FBXL7: variants seen among roughly 807,000 people sequenced by gnomAD.
The protein encoded by FBXL7 is F-box/LRR-repeat protein 7.
FBXL7 carries 12 observed loss-of-function variants against 38.3 expected under a neutral mutation model. The ratio of observed to expected loss-of-function variants is 0.31; its 90% confidence interval spans 0.20 to 0.51. The LOEUF (loss-of-function observed/expected upper bound fraction) is 0.51, where lower values mean the gene tolerates loss of function less well. Among genes scored for constraint, FBXL7 ranks in the 20% least tolerant of loss-of-function variants. FBXL7 has a pLI of 0.98. For missense variants in FBXL7, 567 were observed against 676.4 expected, an observed-to-expected ratio of 0.84 and a Z score of 1.79; for synonymous variants, 297 against 300.9, an observed-to-expected ratio of 0.99 and a Z score of 0.13.
At chr5:15,726,447 C>T (rs944758962) in intron 2 of FBXL7, among the ~76,000 whole-genome samples, 7 of 152,004 alleles carry the variant, frequency 4.6e-5, no homozygotes, top group Non-Finnish European at 8.8e-5. Flanking sequence ...ATAAAATAAA[C>T]ACTTTGGGAG....
At chr5:15,832,803 A>G (rs1458576176) in intron 2 of FBXL7, among the ~76,000 whole-genome samples, 1 of 152,030 alleles carries the variant, frequency 6.6e-6, no homozygotes, top group Non-Finnish European at 1.5e-5. Flanking sequence ...AAATACCATA[A>G]ACTAGGTGGC....
chr5:15,529,583 T>A (rs1737360628), intron 1 of FBXL7, among the ~76,000 whole-genome samples: 1 of 151,850 alleles, frequency 6.6e-6, no homozygotes, highest in Admixed American at 6.6e-5. Context: ...AGAGACGGGG[T>A]TTCACCGTGT....
At chr5:15,932,099 C>A (rs1742052188) in intron 3 of FBXL7, among the ~76,000 whole-genome samples, 1 of 152,156 alleles carries the variant, frequency 6.6e-6, no homozygotes, top group South Asian at 2.1e-4. Flanking sequence ...TTTAAGTGGT[C>A]ATTTTGGCCT....
chr5:15,595,979 C>T (rs966974337), intron 1 of FBXL7, among the ~76,000 whole-genome samples: 2 of 152,158 alleles, frequency 1.3e-5, no homozygotes, highest in Admixed American at 6.5e-5. Flanking sequence ...ATAACAAGAT[C>T]GCAGAACACA....
intron 2 of FBXL7, among the ~76,000 whole-genome samples, chr5:15,809,170 G>T (rs561780789): frequency 6.6e-6 from 1 of 152,132 alleles, no homozygotes; most frequent in Non-Finnish European, 1.5e-5. Context: ...ATCTGTGGAC[G>T]CCTGTTCTCA....
intron 2 of FBXL7, among the ~76,000 whole-genome samples, chr5:15,674,395 C>G (rs554400188): frequency 1.3e-5 from 2 of 152,164 alleles, no homozygotes; most frequent in Non-Finnish European, 2.9e-5. Context: ...TTACTGATTG[C>G]TCAAAAGGTT....
At position 15,634,980 on chromosome 5, in the gene FBXL7, T is replaced by C. The variant is rs1050285857; in HGVS notation, c.127+18908T>C. ...CTTGAATCACATCTGCAAGTTCCCT[T>C]ACCACATAAAGTAACATATTCATAG... On this transcript the variant is annotated intron_variant, in intron 2 of 3. Coordinates refer to ENST00000504595, the MANE Select transcript of FBXL7 (RefSeq NM_012304.5). 4.6e-5 allele frequency among the ~76,000 whole-genome samples: 7 copies of C among 152,258 alleles called. No homozygotes were observed. In the East Asian group the frequency reaches 1.4e-3, roughly 29 times the overall value.
chr5:15,801,664 C>A (rs992115326), intron 2 of FBXL7, among the ~76,000 whole-genome samples: 1 of 145,224 alleles, frequency 6.9e-6, no homozygotes, highest in African/African-American at 2.7e-5. Flanking sequence ...TGTGCGCGCG[C>A]GCGTGTGTGT....
At chr5:15,669,755 T>C (rs927433801) in intron 2 of FBXL7, among the ~76,000 whole-genome samples, 1 of 152,206 alleles carries the variant, frequency 6.6e-6, no homozygotes. Flanking sequence ...CATACAATGA[T>C]CATTATTAAT....
intron 2 of FBXL7, among the ~76,000 whole-genome samples, chr5:15,792,781 A>G (rs1272829567): frequency 1.3e-5 from 2 of 152,142 alleles, no homozygotes; most frequent in East Asian, 3.9e-4. Flanking sequence ...GCAGAGAAGC[A>G]GTGGAGGGAT....
At chr5:15,628,599 A>C (rs758880610) in intron 2 of FBXL7, among the ~76,000 whole-genome samples, 1 of 152,206 alleles carries the variant, frequency 6.6e-6, no homozygotes, top group Non-Finnish European at 1.5e-5. Flanking sequence ...ACTTCTGAAT[A>C]ATCCATCCAT....
At chr5:15,659,818 A>C (rs1170109026) in intron 2 of FBXL7, among the ~76,000 whole-genome samples, 1 of 152,214 alleles carries the variant, frequency 6.6e-6, no homozygotes, top group Non-Finnish European at 1.5e-5. Flanking sequence ...ATAAAAGATT[A>C]TATGTATAAT....
chr5:15,659,664 CAGA>C (rs770817188), intron 2 of FBXL7, among the ~76,000 whole-genome samples: 1 of 152,172 alleles, frequency 6.6e-6, no homozygotes, highest in Admixed American at 6.5e-5. Context: ...AAGTGACCAT[CAGA>C]AGGAGAATGA....
At chr5:15,793,358 AG>A (rs1236068142) in intron 2 of FBXL7, among the ~76,000 whole-genome samples, 1 of 152,144 alleles carries the variant, frequency 6.6e-6, no homozygotes, top group Admixed American at 6.5e-5. Flanking sequence ...TGGGGACTGC[AG>A]GAGTTCCTGG....
chr5:15,617,875 C>G (rs182648842), intron 2 of FBXL7, among the ~76,000 whole-genome samples: 23 of 152,292 alleles, frequency 1.5e-4, no homozygotes, highest in African/African-American at 4.8e-4. Context: ...TACAGTCACT[C>G]TTGTCACCAT....
At chr5:15,624,840 A>C (rs541764238) in intron 2 of FBXL7, among the ~76,000 whole-genome samples, 5 of 151,986 alleles carry the variant, frequency 3.3e-5, no homozygotes, top group African/African-American at 1.2e-4. Context: ...TGTAAAATTA[A>C]ATGAGTGTTG....
chr5:15,698,085 G>A (rs1028581839), intron 2 of FBXL7, among the ~76,000 whole-genome samples: 1 of 152,194 alleles, frequency 6.6e-6, no homozygotes, highest in African/African-American at 2.4e-5. Flanking sequence ...ATCTTCCAGA[G>A]GTTGGAGCAC....
At chr5:15,820,224 G>T (rs1324691548) in intron 2 of FBXL7, among the ~76,000 whole-genome samples, 1 of 152,036 alleles carries the variant, frequency 6.6e-6, no homozygotes, top group African/African-American at 2.4e-5. Context: ...TCATTATAGG[G>T]CTACATTCAC....
At chr5:15,733,881 G>A (rs535993694) in intron 2 of FBXL7, among the ~76,000 whole-genome samples, 4 of 152,306 alleles carry the variant, frequency 2.6e-5, no homozygotes, top group African/African-American at 9.6e-5. Flanking sequence ...GGCCGAGGCA[G>A]GCGGTTCACA....
Sources: gnomAD v4.1 joint callset for allele counts (sites outside exome capture counted in the v4.1 genomes callset) on GRCh38, gnomAD v4.1.1 for gene constraint, MANE v1.5 for transcripts, NCBI Gene and HGNC (gene_info 2026-07-23, HGNC 2026-07-21) for gene names.